The following ISM1 variants were observed in gnomAD, a reference collection of about 807,000 sequenced individuals.
ISM1 encodes the protein isthmin-1.
Under a neutral mutation model 46.3 loss-of-function variants are expected in ISM1, and 25 were observed. That is an observed-to-expected ratio of 0.54 (90% CI 0.39 to 0.75). ISM1 has a LOEUF of 0.75. ISM1 is among the 30% of genes least tolerant of loss of function. The pLI is 0.00. For synonymous variants in ISM1, 255 were observed against 256.7 expected (o/e 0.99, Z 0.06); for missense variants, 536 against 625.4 (o/e 0.86, Z 1.52).
chr20:13,253,345 GT>G (rs33928121), intron 1 of ISM1, among the ~76,000 whole-genome samples: 28,736 of 152,126 alleles, frequency 0.19, 2,814 homozygotes, highest in East Asian at 0.25. Flanking sequence ...TGAGGAGTGG[GT>G]GACCACTCAG....
chr20:13,223,169 A>AT (rs1328283871), intron 1 of ISM1, among the ~76,000 whole-genome samples: 2 of 145,180 alleles, frequency 1.4e-5, no homozygotes, highest in African/African-American at 5.2e-5. Flanking sequence ...AAAAAAAATA[A>AT]AATAAAATAA....
intron 3 of ISM1, among the ~76,000 whole-genome samples, chr20:13,281,271 A>T (rs2040235843): frequency 2.0e-5 from 3 of 152,204 alleles, no homozygotes; most frequent in Admixed American, 2.0e-4. Context: ...AAATAGTGCC[A>T]TGGTAGAGAT....
At chr20:13,298,907 A>T in intron 5 of ISM1, 35 bp from the exon 6 acceptor site, 1 of 1,603,048 alleles carries the variant, frequency 6.2e-7, no homozygotes, top group Non-Finnish European at 8.5e-7. Flanking sequence ...CCGGTTGTAC[A>T]CGCGGTGAGA....
intron 1 of ISM1, among the ~76,000 whole-genome samples, chr20:13,258,133 C>T (rs746815229): frequency 1.3e-5 from 2 of 152,130 alleles, no homozygotes; most frequent in East Asian, 3.8e-4. Flanking sequence ...CCAAACATTC[C>T]GTTTACCTCT....
At chr20:13,255,060 C>T (rs1379821700) in intron 1 of ISM1, among the ~76,000 whole-genome samples, 1 of 152,112 alleles carries the variant, frequency 6.6e-6, no homozygotes, top group Non-Finnish European at 1.5e-5. Context: ...AGAAGAAAGC[C>T]CATAAATAGA....
chr20:13,238,874 A>G (rs1369755584), intron 1 of ISM1: 1 of 152,174 alleles, frequency 6.6e-6, no homozygotes, highest in South Asian at 2.1e-4. Context: ...TGTTTAACCC[A>G]TTACTCCTGA....
At chr20:13,275,817 G>A (rs1235935558) in intron 2 of ISM1, among the ~76,000 whole-genome samples, 1 of 152,134 alleles carries the variant, frequency 6.6e-6, no homozygotes, top group Non-Finnish European at 1.5e-5. Flanking sequence ...AAATTAATTG[G>A]GAATCAGAAG....
chr20:13,247,357 G>T (rs1204153678), intron 1 of ISM1, among the ~76,000 whole-genome samples: 1 of 152,150 alleles, frequency 6.6e-6, no homozygotes, highest in African/African-American at 2.4e-5. Context: ...GTGTCTTTAA[G>T]TGTCAGCGTG....
intron 1 of ISM1, among the ~76,000 whole-genome samples, chr20:13,232,692 A>T (rs2039602228): frequency 6.6e-6 from 1 of 152,328 alleles, no homozygotes; most frequent in Non-Finnish European, 1.5e-5. Flanking sequence ...TTAGCTTATT[A>T]AGAAATTCTG....
the ISM1 span, among the ~76,000 whole-genome samples, chr20:13,311,532 C>T: frequency 1.2e-4 from 19 of 152,136 alleles, no homozygotes; most frequent in Non-Finnish European, 2.6e-4. Context: ...ATGAAATCAA[C>T]ATAAGTGTTC....
chr20:13,297,757 G>A (rs574202036), intron 5 of ISM1, among the ~76,000 whole-genome samples: 14 of 152,224 alleles, frequency 9.2e-5, no homozygotes, highest in Admixed American at 8.5e-4. Flanking sequence ...ATTTATAATT[G>A]GAATAACCTA....
intron 1 of ISM1, 105 bp from the exon 2 acceptor site, chr20:13,270,399 C>T (rs960196822): frequency 3.1e-6 from 4 of 1,294,918 alleles, no homozygotes; most frequent in Non-Finnish European, 2.1e-6. Context: ...GGCTTAATTT[C>T]AGCCACTGGA....
chr20:13,245,422 A>G (rs983159269), intron 1 of ISM1: 1 of 152,180 alleles, frequency 6.6e-6, no homozygotes, highest in Non-Finnish European at 1.5e-5. Context: ...TTGTCACCTA[A>G]TCTCAGTGAC....
chr20:13,228,083 G>A (rs543222857), intron 1 of ISM1, among the ~76,000 whole-genome samples: 4 of 147,722 alleles, frequency 2.7e-5, no homozygotes, highest in Non-Finnish European at 4.5e-5. Context: ...AGCGATTCTC[G>A]TGCCTCAGCC....
intron 1 of ISM1, among the ~76,000 whole-genome samples, chr20:13,249,778 GCGTTT>G (rs751783733): frequency 7.0e-6 from 1 of 143,122 alleles, no homozygotes; most frequent in Non-Finnish European, 1.5e-5. Flanking sequence ...ATTTTTTGTT[GCGTTT>G]TGTTTTGTTT....
the ISM1 span, among the ~76,000 whole-genome samples, chr20:13,311,763 G>C: frequency 1.3e-5 from 2 of 152,280 alleles, no homozygotes; most frequent in African/African-American, 4.8e-5. Flanking sequence ...AGAGTAGAAT[G>C]GTAGTAACCA....
At chr20:13,232,188 A>G (rs1382317990) in intron 1 of ISM1, among the ~76,000 whole-genome samples, 1 of 152,222 alleles carries the variant, frequency 6.6e-6, no homozygotes. Flanking sequence ...GCAATTGACA[A>G]CTAATAAACT....
At chr20:13,266,991 A>G (rs746184280) in intron 1 of ISM1, among the ~76,000 whole-genome samples, 4 of 152,208 alleles carry the variant, frequency 2.6e-5, no homozygotes, top group Admixed American at 6.5e-5. Context: ...CTGCATTACT[A>G]GGATATTCTG....
At chr20:13,249,573 G>A (rs1000814263) in intron 1 of ISM1, among the ~76,000 whole-genome samples, 1 of 152,200 alleles carries the variant, frequency 6.6e-6, no homozygotes, top group African/African-American at 2.4e-5. Context: ...TTTCATTTTG[G>A]AAGGAAACCC....
Sources: allele counts gnomAD v4.1 joint callset (sites outside exome capture counted in the v4.1 genomes callset), GRCh38; gene constraint gnomAD v4.1.1; transcripts MANE v1.5; gene names NCBI Gene and HGNC (gene_info 2026-07-23, HGNC 2026-07-21).